The following TRIO variants were observed in gnomAD, a reference collection of about 807,000 sequenced individuals.
The protein encoded by TRIO is triple functional domain protein.
A neutral mutation model predicts 351.9 loss-of-function variants in TRIO; 58 were observed. The ratio of observed to expected loss-of-function variants is 0.16; its 90% CI spans 0.13 to 0.21. The LOEUF is 0.21. TRIO is among the 10% of genes least tolerant of loss of function. The probability of loss-of-function intolerance (pLI) is 1.00; values close to 1 mark genes in which losing one functional copy is unlikely to be tolerated. For missense variants in TRIO, 3,201 were observed against 4,027.8 expected (o/e 0.79, Z 5.56); for synonymous variants, 1,758 against 1,595.7 (o/e 1.10, Z -2.42).
intron 21 of TRIO, among the ~76,000 whole-genome samples, chr5:14,384,014 C>G (rs952790784): frequency 1.3e-5 from 2 of 152,184 alleles, no homozygotes; most frequent in Non-Finnish European, 2.9e-5. Context: ...AGACTCGGCT[C>G]GGTCCCTTTG....
Position 14,437,689 on chromosome 5 carries a change from C to A in TRIO, c.5203+17668C>A, listed in dbSNP as rs376926496. 6.2e-3 allele frequency among the ~76,000 whole-genome samples: 845 copies of A among 135,908 alleles called. 16 individuals carry two copies. Among genetic ancestry groups the A allele is most frequent in the African/African-American group, 0.022 (755 of 33,586 alleles). The allele number at this position is 135,908 out of a possible 152,430, so 89.2% of individuals were successfully genotyped here. ...CCAGGCATATTGGATGAGGACCACC[C>A]CCCCCGCCCCAAGGACCTCATTTTA... On this transcript the variant is annotated intron_variant, in intron 34 of 56. Coordinates refer to ENST00000344204, the MANE Select transcript of TRIO (RefSeq NM_007118.4).
intron 5 of TRIO, among the ~76,000 whole-genome samples, chr5:14,292,484 C>T (rs1337839279): frequency 1.3e-5 from 2 of 152,180 alleles, no homozygotes; most frequent in African/African-American, 4.8e-5. Context: ...GTTAGTTTTT[C>T]CCACCTTTTT....
intron 34 of TRIO, among the ~76,000 whole-genome samples, chr5:14,447,012 C>G (rs1309967051): frequency 6.6e-6 from 1 of 152,192 alleles, no homozygotes; most frequent in Non-Finnish European, 1.5e-5. Flanking sequence ...GGGCAGATCA[C>G]TTGAGGCCAG....
At chr5:14,380,053 T>C (rs776064014) in intron 20 of TRIO, among the ~76,000 whole-genome samples, 1 of 151,072 alleles carries the variant, frequency 6.6e-6, no homozygotes, top group Non-Finnish European at 1.5e-5. Flanking sequence ...TATCTCTCTT[T>C]CCTCTTCTGT....
At chr5:14,256,712 G>A (rs1795040579) in intron 1 of TRIO, among the ~76,000 whole-genome samples, 1 of 152,142 alleles carries the variant, frequency 6.6e-6, no homozygotes. Context: ...AAACCACCAG[G>A]CCCCTTAGAA....
chr5:14,316,407 C>T (rs1326410412), intron 8 of TRIO, 106 bp from the exon 9 acceptor site: 21 of 1,082,818 alleles, frequency 1.9e-5, no homozygotes, highest in African/African-American at 1.1e-4. Context: ...TGTACATGTA[C>T]GTGTGTGCCT....
chr5:14,474,292 C>G (rs1252841034), intron 40 of TRIO, among the ~76,000 whole-genome samples, 195 bp downstream of exon 40: 1 of 152,164 alleles, frequency 6.6e-6, no homozygotes, highest in Admixed American at 6.5e-5. Context: ...AGAGTCTTGT[C>G]TCTTCTTCGT....
chr5:14,346,903 C>T (rs925735613), intron 11 of TRIO, among the ~76,000 whole-genome samples: 2 of 152,240 alleles, frequency 1.3e-5, no homozygotes, highest in African/African-American at 2.4e-5. Flanking sequence ...AGGAGGCAAG[C>T]TTCTGATAGT....
intron 1 of TRIO, among the ~76,000 whole-genome samples, chr5:14,216,088 G>A (rs1792202354): frequency 6.6e-6 from 1 of 152,172 alleles, no homozygotes; most frequent in Admixed American, 6.5e-5. Context: ...GATAATCCAT[G>A]CAAAGCTTGG....
rs1581221588 is a variant in TRIO, at chr5:14,143,754, C to T, written c.29C>T (p.Ala10Val). The T allele has an allele frequency of 3.0e-6, 3 of 988,866 alleles. No individual in the cohort carries two copies. The highest frequency in any genetic ancestry group is 3.6e-6 in the Non-Finnish European group (3 of 833,920). The allele number at this position is 988,866 out of a possible 1,614,324, so 61.3% of individuals were successfully genotyped here. A position where few individuals can be genotyped will look rare whatever the true frequency, so the allele number is the denominator to read the frequency against. Residue 10 changes from alanine (A) to valine (V), a missense_variant, in exon 1 of 57, where the codon GCC becomes GTC. This residue lies in a region of TRIO where 109 missense variants were observed against 134.6 expected (regional missense o/e 0.81). Transcript: ENST00000344204. ...AGCGGCAGCAGCGGCGGAGCCGCCG[C>T]CCCCGCCGCGTCCTCCGGCCCCGCC... MSGSSGGAA[A>V]PAASSGPAAA...
At position 14,411,801 on chromosome 5, in the gene TRIO, C is replaced by T. The variant is rs73061647; in HGVS notation, c.4959+5129C>T. Among the ~76,000 whole-genome samples the T allele has an allele frequency of 3.8e-3, 577 of 151,846 alleles. 2 individuals are homozygous for T. Among genetic ancestry groups the T allele is most frequent in the African/African-American group, 0.013 (540 of 41,402 alleles). ...TTTTTTATTTTTGTAGAGACAGTAT[C>T]GAACTGTGTTTCCCAGGCTGGCCTC... On this transcript the variant is annotated intron_variant, in intron 33 of 56. Coordinates refer to ENST00000344204, the MANE Select transcript of TRIO (RefSeq NM_007118.4).
chr5:14,486,258 C>T (rs1418346807), intron 47 of TRIO, among the ~76,000 whole-genome samples: 1 of 152,184 alleles, frequency 6.6e-6, no homozygotes, highest in African/African-American at 2.4e-5. Flanking sequence ...TGCATCTATG[C>T]CTGCTCAAGC....
chr5:14,409,880 A>G (rs955151839), intron 33 of TRIO, among the ~76,000 whole-genome samples: 13 of 149,264 alleles, frequency 8.7e-5, no homozygotes, highest in African/African-American at 2.7e-4. Context: ...CTCTCCTGCC[A>G]GTTCCACCAT....
chr5:14,160,073 G>C (rs552450555), intron 1 of TRIO, among the ~76,000 whole-genome samples: 2 of 152,192 alleles, frequency 1.3e-5, no homozygotes, highest in African/African-American at 4.8e-5. Context: ...AAGAGACATC[G>C]CAGAAGAATT....
chr5:14,362,267 T>G (rs1490402928), intron 13 of TRIO, among the ~76,000 whole-genome samples: 1 of 152,248 alleles, frequency 6.6e-6, no homozygotes, highest in Non-Finnish European at 1.5e-5. Context: ...AGAAAATCAT[T>G]GCCAGTTTAT....
chr5:14,163,636 C>G (rs903340718), intron 1 of TRIO, among the ~76,000 whole-genome samples: 1 of 152,218 alleles, frequency 6.6e-6, no homozygotes, highest in Non-Finnish European at 1.5e-5. Flanking sequence ...TTGCAGGGAG[C>G]TGCATCCTGA....
At chr5:14,355,159 T>A (rs538306542) in intron 11 of TRIO, among the ~76,000 whole-genome samples, 14 of 152,292 alleles carry the variant, frequency 9.2e-5, no homozygotes, top group Non-Finnish European at 1.5e-4. Flanking sequence ...GGAAGGCAGG[T>A]TACCATCTTA....
Position 14,286,976 on chromosome 5 carries a change from C to G in TRIO, c.453C>G (p.Cys151Trp). 1 of 1,614,228 alleles carries G rather than the reference C, an allele frequency of 6.2e-7. No homozygotes were observed. Among genetic ancestry groups the G allele is most frequent in the Non-Finnish European group, 8.5e-7 (1 of 1,180,040 alleles). Reference sequence around the variant, plus strand: ...AGATCCTGCAGGAGTCCTTCCCCTGCTGCATCCATGTGGCCCTGATCATCA... The same window carrying G: ...AGATCCTGCAGGAGTCCTTCCCCTGGTGCATCCATGTGGCCCTGATCATCA... Reference protein sequence around the residue: ...LLKILQESFPCCIHVALIIKP... With the variant: ...LLKILQESFPWCIHVALIIKP... Residue 151 changes from cysteine to tryptophan, a missense_variant, in exon 4 of 57, where the codon TGC (cysteine) becomes TGG (tryptophan). Physicochemically the swap from Cys to Trp is radical, Grantham distance 215. Coordinates refer to ENST00000344204, the MANE Select transcript of TRIO (RefSeq NM_007118.4). This position sits in a 1 kb window ranked among gnomAD's most constrained non-coding sequence, Gnocchi z 4.4.
intron 11 of TRIO, among the ~76,000 whole-genome samples, chr5:14,351,082 C>T (rs1352525656): frequency 6.6e-6 from 1 of 152,160 alleles, no homozygotes; most frequent in Non-Finnish European, 1.5e-5. Flanking sequence ...GCTCACCTCC[C>T]ACTGTGCAGC....
Sources: allele counts gnomAD v4.1 joint callset (sites outside exome capture counted in the v4.1 genomes callset), GRCh38; gene constraint gnomAD v4.1.1; regional missense constraint gnomAD v4.1.1; non-coding constraint Gnocchi (gnomAD v3.1); transcripts MANE v1.5; gene names NCBI Gene and HGNC (gene_info 2026-07-23, HGNC 2026-07-21).